ADARB2: variants seen among roughly 807,000 people sequenced by gnomAD.
ADARB2 encodes adenosine deaminase RNA specific B2 (inactive), also known as inactive double-stranded RNA-specific editase B2.
In ADARB2, 25 loss-of-function variants were observed where a neutral mutation model predicts 62.2. That is an observed-to-expected ratio of 0.40 (90% confidence interval 0.29 to 0.56). The LOEUF (loss-of-function observed/expected upper bound fraction) is 0.56, where lower values mean the gene tolerates loss of function less well. Among genes scored for constraint, ADARB2 ranks in the 20% least tolerant of loss-of-function variants. ADARB2 has a pLI of 0.43. For missense variants in ADARB2, 1,071 were observed against 1,077.4 expected, an observed-to-expected ratio of 0.99 and a Z score of 0.08; for synonymous variants, 572 against 500.8, an observed-to-expected ratio of 1.14 and a Z score of -1.90.
At chr10:1,292,988 GAGGGAGAGGGAGGGAAGGAGA>G (rs1831482343) in intron 3 of ADARB2, 6 of 68,682 alleles carry the variant, frequency 8.7e-5, no homozygotes, top group Admixed American at 3.4e-4. Context: ...AGGAGAGAGA[GAGGGAGAGGGAGGGAAGGAGA>G]GAGGGAGGGG....
chr10:1,408,122 T>C (rs1832722119), intron 1 of ADARB2, among the ~76,000 whole-genome samples: 1 of 152,250 alleles, frequency 6.6e-6, no homozygotes, highest in African/African-American at 2.4e-5. Flanking sequence ...TTTGTAAATA[T>C]GGGTGCATGC....
intron 1 of ADARB2, among the ~76,000 whole-genome samples, chr10:1,404,321 C>T (rs962300963): frequency 1.3e-5 from 2 of 152,172 alleles, no homozygotes; most frequent in East Asian, 3.9e-4. Flanking sequence ...GTCTCGCAGG[C>T]CCTACCACTG....
intron 1 of ADARB2, among the ~76,000 whole-genome samples, chr10:1,637,788 C>G: frequency 6.6e-6 from 1 of 152,204 alleles, no homozygotes; most frequent in East Asian, 1.9e-4. Flanking sequence ...TGCGTGGCTC[C>G]TGTTTATGAG....
intron 1 of ADARB2, among the ~76,000 whole-genome samples, chr10:1,728,512 G>C (rs540825060): frequency 2.0e-5 from 3 of 151,996 alleles, no homozygotes; most frequent in Admixed American, 1.3e-4. Context: ...ATCCCTCTAC[G>C]TCGTGTGCAT....
At chr10:1,310,136 G>C (rs1589188396) in intron 3 of ADARB2, among the ~76,000 whole-genome samples, 1 of 152,202 alleles carries the variant, frequency 6.6e-6, no homozygotes, top group East Asian at 1.9e-4. Context: ...TCACTCATCA[G>C]ATGTTGAATG....
intron 1 of ADARB2, among the ~76,000 whole-genome samples, chr10:1,664,950 G>A (rs1490750930): frequency 6.6e-6 from 1 of 152,154 alleles, no homozygotes. Flanking sequence ...AAAACAGATG[G>A]CATTCAGGAG....
At chr10:1,200,430 CTTAGAA>C in intron 7 of ADARB2, 1 of 475,520 alleles carries the variant, frequency 2.1e-6, no homozygotes, top group Non-Finnish European at 3.7e-6. Flanking sequence ...CTCTGTGGGA[CTTAGAA>C]TTAGATTTTT....
chr10:1,356,411 GC>G (rs1037870072), intron 3 of ADARB2, among the ~76,000 whole-genome samples: 1 of 152,194 alleles, frequency 6.6e-6, no homozygotes, highest in Non-Finnish European at 1.5e-5. Context: ...CCCCTGGAGG[GC>G]TTCACAGAGA....
rs142034268 is a variant in ADARB2, at chr10:1,187,818, G to T, written c.1865-2779C>A. The T allele has an allele frequency of 5.0e-4, 212 of 428,234 alleles. 1 individual carries two copies. In the East Asian group the frequency reaches 0.012, roughly 23 times the overall value. The allele number at this position is 428,234 out of a possible 1,614,324, so 26.5% of individuals were successfully genotyped here. ...GCGCTGGCGGGTGGGCTGCGGGGTC[G>T]TCCAGCCTTGCATGGGGGCTTCTTC... On this transcript the variant is annotated intron_variant, in intron 8 of 9. Coordinates refer to ENST00000381312, the MANE Select transcript of ADARB2 (RefSeq NM_018702.4).
chr10:1,286,075 G>A (rs1270803972), intron 3 of ADARB2, among the ~76,000 whole-genome samples: 2 of 151,852 alleles, frequency 1.3e-5, no homozygotes, highest in African/African-American at 2.4e-5. Context: ...GGGGGCGGGT[G>A]GTGGGGCAGT....
At chr10:1,254,108 T>C (rs962187478) in intron 4 of ADARB2, among the ~76,000 whole-genome samples, 4 of 150,276 alleles carry the variant, frequency 2.7e-5, no homozygotes, top group African/African-American at 9.9e-5. Context: ...TAGGATGCAG[T>C]TGACTCTGGT....
chr10:1,470,422 C>T (rs1831306678), intron 1 of ADARB2, among the ~76,000 whole-genome samples: 1 of 152,190 alleles, frequency 6.6e-6, no homozygotes, highest in Admixed American at 6.5e-5. Flanking sequence ...CCCTGTGGGG[C>T]TAACAATGGC....
At chr10:1,484,405 C>A (rs1197132207) in intron 1 of ADARB2, among the ~76,000 whole-genome samples, 1 of 152,190 alleles carries the variant, frequency 6.6e-6, no homozygotes, top group African/African-American at 2.4e-5. Flanking sequence ...CCGCTGCCAC[C>A]CCAGGCTGCC....
chr10:1,345,228 C>T (rs928620726), intron 3 of ADARB2, among the ~76,000 whole-genome samples: 1 of 152,178 alleles, frequency 6.6e-6, no homozygotes, highest in African/African-American at 2.4e-5. Flanking sequence ...ATGGTGTCAG[C>T]ATGGGCTGGA....
chr10:1,191,078 G>T (rs1836837671), intron 8 of ADARB2, among the ~76,000 whole-genome samples: 1 of 151,862 alleles, frequency 6.6e-6, no homozygotes. Context: ...TAGAATGGGG[G>T]TTTGCACGCT....
intron 3 of ADARB2, among the ~76,000 whole-genome samples, chr10:1,301,831 C>T (rs1304641379): frequency 1.3e-5 from 2 of 152,178 alleles, no homozygotes; most frequent in Non-Finnish European, 2.9e-5. Context: ...GCAGAAGCTA[C>T]AGAGATGTTC....
chr10:1,409,635 G>A (rs375850204), intron 1 of ADARB2, among the ~76,000 whole-genome samples: 9 of 141,204 alleles, frequency 6.4e-5, no homozygotes, highest in East Asian at 4.2e-4. Context: ...CAGTGGTGCC[G>A]AGGCCTGGCT....
At chr10:1,406,176 G>A (rs988334157) in intron 1 of ADARB2, among the ~76,000 whole-genome samples, 2 of 152,240 alleles carry the variant, frequency 1.3e-5, no homozygotes, top group African/African-American at 4.8e-5. Context: ...GCTTGCTGAA[G>A]GATCTGTGGA....
chr10:1,564,395 C>A (rs1430759602), intron 1 of ADARB2, among the ~76,000 whole-genome samples: 15 of 152,156 alleles, frequency 9.9e-5, no homozygotes, highest in Admixed American at 5.9e-4. Context: ...GCAACAAAAG[C>A]CAGAATTGAC....
Sources: gnomAD v4.1 joint callset for allele counts (sites outside exome capture counted in the v4.1 genomes callset) on GRCh38, gnomAD v4.1.1 for gene constraint, MANE v1.5 for transcripts, NCBI Gene and HGNC (gene_info 2026-07-23, HGNC 2026-07-21) for gene names.